The following TM2D1 variants were observed in gnomAD, a reference collection of about 807,000 sequenced individuals.
TM2D1 encodes the protein TM2 domain-containing protein 1.
In TM2D1, 15 loss-of-function variants were observed where a neutral mutation model predicts 28.4. The ratio of observed to expected loss-of-function variants is 0.53; its 90% confidence interval spans 0.35 to 0.81. The LOEUF is 0.81. Ranked by LOEUF, TM2D1 falls within the 40% of genes least tolerant of loss-of-function variation. The pLI is 0.01. For synonymous variants in TM2D1, 93 were observed against 96.2 expected (o/e 0.97, Z 0.20); for missense variants, 236 against 254.9 (o/e 0.93, Z 0.50).
rs567417039 is a variant in TM2D1, at chr1:61,709,367, G to A, written c.309C>T (p.Asn103=). 7 of 1,605,774 alleles carry A rather than the reference G, an allele frequency of 4.4e-6. No homozygotes were observed. Among genetic ancestry groups the A allele is most frequent in the South Asian group, 2.2e-5 (2 of 90,942 alleles). ...ATATGGGCTTGAAAAAACCAACTTCGTTCCCAGTAAAATGTGTTTCATTGC... is the reference window on the plus strand; with the variant it reads ...ATATGGGCTTGAAAAAACCAACTTCATTCCCAGTAAAATGTGTTTCATTGC... ...SSGNETHFTG[N]EVGFFKPISC... is the part of the protein sequence containing the mutation. Residue 103 remains asparagine, a synonymous_variant, in exon 3 of 7, where the codon AAC becomes AAT. Coordinates refer to ENST00000606498, the MANE Select transcript of TM2D1 (RefSeq NM_032027.3).
intron 1 of TM2D1, 198 bp downstream of exon 1, chr1:61,724,759 G>A: frequency 1.9e-6 from 1 of 520,276 alleles, no homozygotes; most frequent in Non-Finnish European, 3.1e-6. Flanking sequence ...AAAATCATAA[G>A]GAAATCACAA....
intron 5 of TM2D1, chr1:61,686,730 G>C (rs1338635782): frequency 1.2e-6 from 1 of 849,996 alleles, no homozygotes; most frequent in African/African-American, 1.8e-5. Context: ...TAATAAATGT[G>C]CCAATTCTAA....
chr1:61,694,219 T>C (rs890257537), intron 5 of TM2D1: 4 of 152,328 alleles, frequency 2.6e-5, no homozygotes, highest in Non-Finnish European at 5.9e-5. Context: ...ATGGAGTGCC[T>C]GTCCAGTGCA....
chr1:61,721,751 T>C (rs1644566310), intron 2 of TM2D1, among the ~76,000 whole-genome samples: 1 of 151,776 alleles, frequency 6.6e-6, no homozygotes, highest in South Asian at 2.1e-4. Flanking sequence ...TATTTTGATA[T>C]CTGTCTCTGA....
At chr1:61,688,354 C>T (rs1644298202) in intron 5 of TM2D1, among the ~76,000 whole-genome samples, 1 of 152,072 alleles carries the variant, frequency 6.6e-6, no homozygotes, top group Non-Finnish European at 1.5e-5. Context: ...TTCGGTTTTC[C>T]AATTTATTTT....
At chr1:61,704,986 A>G (rs1644430599) in intron 3 of TM2D1, among the ~76,000 whole-genome samples, 1 of 152,236 alleles carries the variant, frequency 6.6e-6, no homozygotes, top group Non-Finnish European at 1.5e-5. Flanking sequence ...CTCCTTTGAT[A>G]TATTGACAAA....
intron 5 of TM2D1, among the ~76,000 whole-genome samples, chr1:61,690,424 T>A (rs1644315015): frequency 2.6e-5 from 3 of 117,420 alleles, no homozygotes; most frequent in African/African-American, 6.7e-5. Flanking sequence ...GCCACTGTAC[T>A]CCAGCCTGAG....
chr1:61,716,420 T>TAA lies in TM2D1; in HGVS notation c.239-6985_239-6984dup, dbSNP rs1255964237. On this transcript the variant is annotated intron_variant, in intron 2 of 6. Coordinates refer to ENST00000606498, the MANE Select transcript of TM2D1 (RefSeq NM_032027.3). Reference sequence around the variant, plus strand: ...ACATATATAATTTTATATATGTATATAATTATATATAAGTGTATAATTATA... The same window carrying TAA: ...ACATATATAATTTTATATATGTATATAAAATTATATATAAGTGTATAATTATA... Among the ~76,000 whole-genome samples the TAA allele has an allele frequency of 2.3e-4, 33 of 142,008 alleles. 1 individual carries two copies. In the East Asian group the frequency reaches 6.3e-3, roughly 27 times the overall value. 93.2% of individuals were successfully genotyped at this position (142,008 alleles called of 152,430 possible).
At chr1:61,701,918 C>T (rs776589672) in intron 3 of TM2D1, among the ~76,000 whole-genome samples, 6 of 152,004 alleles carry the variant, frequency 3.9e-5, no homozygotes, top group Non-Finnish European at 5.9e-5. Context: ...AAGACGGGCG[C>T]GGTGGCACAC....
In TM2D1 at chr1:61,720,524, G is replaced by C. The variant is rs562743276; in HGVS notation, c.238+3189C>G. Among the ~76,000 whole-genome samples, 10 of 152,248 alleles carry C rather than the reference G, an allele frequency of 6.6e-5. No individual in the cohort carries two copies. In the South Asian group the frequency reaches 2.1e-3, roughly 32 times the overall value. The stretch of plus-strand genomic sequence containing the variant: ...CCCAAAGTGATGGGATTATAGGTGT[G>C]AGCCACCTCACCCGGGCTGACAGAA... On this transcript the variant is annotated intron_variant, in intron 2 of 6. Transcript: ENST00000606498.
Position 61,700,947 on chromosome 1 carries a change from T to C in TM2D1, c.426A>G (p.Gly142=), listed in dbSNP as rs574616347. ...GWLGADRFYL[G]YPALGLLKFC... ...AAACATACGCACCCAAAGCAGGGTA[T>C]CCAAGGTAAAATCGATCTGCTCCCA... The change falls in exon 4 of 7, where the codon GGA becomes GGG. Residue 142 remains glycine, a synonymous_variant. Transcript: ENST00000606498. 1 of 1,609,512 alleles carries C rather than the reference T, an allele frequency of 6.2e-7. No homozygotes were observed. The highest frequency in any genetic ancestry group is 1.3e-5 in the African/African-American group (1 of 74,828).
intron 4 of TM2D1, chr1:61,698,081 G>A (rs1009253265): frequency 6.6e-6 from 1 of 152,156 alleles, no homozygotes; most frequent in Non-Finnish European, 1.5e-5. Context: ...TTAAATGGCT[G>A]CATAGTATTC....
intron 3 of TM2D1, among the ~76,000 whole-genome samples, chr1:61,705,842 T>C (rs529620174): frequency 6.6e-6 from 1 of 152,232 alleles, no homozygotes; most frequent in South Asian, 2.1e-4. Context: ...AATAGGTGGG[T>C]GGCTTGGTCA....
chr1:61,694,714 T>A lies in TM2D1; in HGVS notation c.496A>T (p.Ile166Phe), dbSNP rs1330047710. 2 of 1,604,582 alleles carry A rather than the reference T, an allele frequency of 1.2e-6. No homozygotes were observed. The highest frequency in any genetic ancestry group is 3.4e-5 in the Admixed American group (2 of 58,786). Residue 166 changes from isoleucine to phenylalanine, a missense_variant, in exon 5 of 7, where the codon ATT becomes TTT. Around this residue, in one of 3 missense-constraint regions of TM2D1, gnomAD observed 64 missense variants for 73.1 expected, o/e 0.88. Coordinates refer to ENST00000606498, the MANE Select transcript of TM2D1 (RefSeq NM_032027.3). ...AAACTTACCTGCATTGAAATAAGAA[T>A]GAAATCAATTAGGCTCCCAATTCCA... ...FCGIGSLIDF[I>F]LISMQIVGPS...
chr1:61,723,866 T>G (rs1435478099), intron 1 of TM2D1, 80 bp from the exon 2 acceptor site: 5 of 636,174 alleles, frequency 7.9e-6, no homozygotes, highest in African/African-American at 1.9e-5. Context: ...TATTATATAC[T>G]CATGTTGATA....
chr1:61,694,749 A>G lies in TM2D1; in HGVS notation c.461T>C (p.Val154Ala), dbSNP rs1644352106. The G allele has an allele frequency of 6.2e-7, 1 of 1,603,540 alleles. No individual in the cohort carries two copies. Among genetic ancestry groups the G allele is most frequent in the African/African-American group, 1.3e-5 (1 of 74,524 alleles). Residue 154 changes from valine (V) to alanine (A), a missense_variant, in exon 5 of 7, where the codon GTA (valine) becomes GCA (alanine). Transcript: ENST00000606498. ...TAGGCTCCCAATTCCACAAAACCCTACAGTGCAAAACTTTAACAAACCTAG... is the reference window on the plus strand; with the variant it reads ...TAGGCTCCCAATTCCACAAAACCCTGCAGTGCAAAACTTTAACAAACCTAG... ...PALGLLKFCT[V>A]GFCGIGSLID...
intron 5 of TM2D1, among the ~76,000 whole-genome samples, chr1:61,687,145 A>G (rs1042524919): frequency 6.6e-6 from 1 of 152,168 alleles, no homozygotes; most frequent in African/African-American, 2.4e-5. Context: ...GTTTGAGACC[A>G]GCCTAGGGAA....
At chr1:61,719,124 C>T (rs1330475495) in intron 2 of TM2D1, among the ~76,000 whole-genome samples, 1 of 152,080 alleles carries the variant, frequency 6.6e-6, no homozygotes, top group Non-Finnish European at 1.5e-5. Context: ...GGCTAGAGTG[C>T]ACTGACACAA....
At chr1:61,698,552 C>T in intron 4 of TM2D1, 1 of 133,420 alleles carries the variant, frequency 7.5e-6, no homozygotes, top group Admixed American at 7.3e-5. Flanking sequence ...GAGTGAAACT[C>T]CGCCTAAAAA....
Sources: gnomAD v4.1 joint callset for allele counts (sites outside exome capture counted in the v4.1 genomes callset) on GRCh38, gnomAD v4.1.1 for gene constraint, gnomAD v4.1.1 regional missense constraint, MANE v1.5 for transcripts, NCBI Gene and HGNC (gene_info 2026-07-23, HGNC 2026-07-21) for gene names.